The following MANBAL variants were observed in gnomAD, a reference collection of about 807,000 sequenced individuals.
MANBAL encodes protein MANBAL.
In MANBAL, 1 loss-of-function variant was observed where a neutral mutation model predicts 6.4. The ratio of observed to expected loss-of-function variants is 0.16; its 90% CI spans 0.06 to 0.74. The LOEUF is 0.74. Ranked by LOEUF, MANBAL falls within the 30% of genes least tolerant of loss-of-function variation. MANBAL has a pLI of 0.78. For missense variants in MANBAL, 100 were observed against 107.8 expected (o/e 0.93, Z 0.32); for synonymous variants, 47 against 45.8 (o/e 1.03, Z -0.10).
chr20:37,301,462 T>C (rs750580308), intron 2 of MANBAL, 49 bp downstream of exon 2: 17 of 1,599,660 alleles, frequency 1.1e-5, no homozygotes, highest in African/African-American at 4.0e-5. Flanking sequence ...CAGGCTGGGT[T>C]CTGAGTACTA....
At chr20:37,305,099 G>A (rs551288356) in intron 2 of MANBAL, among the ~76,000 whole-genome samples, 2 of 152,302 alleles carry the variant, frequency 1.3e-5, no homozygotes, top group South Asian at 2.1e-4. Flanking sequence ...TCTTATTCTG[G>A]TATCTTGAGA....
chr20:37,313,496 G>A (rs2069437059), intron 2 of MANBAL, among the ~76,000 whole-genome samples: 1 of 152,224 alleles, frequency 6.6e-6, no homozygotes, highest in Admixed American at 6.5e-5. Context: ...CTGGAGGTTA[G>A]GAGTTTGAGA....
chr20:37,307,735 C>T (rs1284487970), intron 2 of MANBAL, among the ~76,000 whole-genome samples: 2 of 149,426 alleles, frequency 1.3e-5, no homozygotes, highest in South Asian at 2.1e-4. Flanking sequence ...CCAGCCTGGG[C>T]GACAGAGCGA....
chr20:37,297,230 A>G (rs867319447), intron 1 of MANBAL: 1 of 152,166 alleles, frequency 6.6e-6, no homozygotes. Flanking sequence ...AGCCACCCCA[A>G]GTAATCTGCT....
chr20:37,304,285 AT>A (rs1416156804), intron 2 of MANBAL, among the ~76,000 whole-genome samples: 1 of 152,184 alleles, frequency 6.6e-6, no homozygotes, highest in East Asian at 1.9e-4. Flanking sequence ...GATTTTTAAA[AT>A]TTTGATTTAA....
chr20:37,302,314 AG>A, intron 2 of MANBAL: 1 of 1,550,564 alleles, frequency 6.4e-7, no homozygotes. Context: ...CATTCCAGTC[AG>A]GTTATTGGGT....
At chr20:37,290,994 T>G (rs2068853332) in intron 1 of MANBAL, among the ~76,000 whole-genome samples, 1 of 152,208 alleles carries the variant, frequency 6.6e-6, no homozygotes, top group Non-Finnish European at 1.5e-5. Context: ...GTTACTTCAT[T>G]AGAAGCCAAG....
intron 2 of MANBAL, among the ~76,000 whole-genome samples, chr20:37,314,805 G>C (rs999233826): frequency 3.9e-5 from 6 of 152,192 alleles, no homozygotes; most frequent in Non-Finnish European, 2.9e-5. Context: ...GAGCTGACAG[G>C]CCTCTGGATC....
intron 1 of MANBAL, among the ~76,000 whole-genome samples, chr20:37,300,878 C>T (rs552803656): frequency 3.8e-4 from 58 of 152,212 alleles, no homozygotes; most frequent in African/African-American, 1.4e-3. Context: ...TGAGGTGGCT[C>T]ACACCTGCAA....
At chr20:37,298,800 A>T (rs997699757) in intron 1 of MANBAL, 1 of 151,132 alleles carries the variant, frequency 6.6e-6, no homozygotes, top group African/African-American at 2.4e-5. Context: ...CGCAATCACG[A>T]CTCATTGGCT....
chr20:37,301,068 A>G (rs975718539), intron 1 of MANBAL, 140 bp from the exon 2 acceptor site: 1 of 357,752 alleles, frequency 2.8e-6, no homozygotes. Context: ...ACTTGAACCC[A>G]GGAGGCCGAA....
chr20:37,305,345 A>C (rs906702893), intron 2 of MANBAL, among the ~76,000 whole-genome samples: 3 of 152,074 alleles, frequency 2.0e-5, no homozygotes, highest in Non-Finnish European at 4.4e-5. Context: ...GAGGCTGCTC[A>C]CCTCCTGTTG....
rs146007979 is a variant in MANBAL at position 37,293,309 on chromosome 20, G to A, written c.-57+3623G>A. 3.7e-3 allele frequency among the ~76,000 whole-genome samples: 566 copies of A among 152,310 alleles called. 15 individuals are homozygous for A. The South Asian group carries it at 0.049, about 13-fold the overall frequency. On this transcript the variant is annotated intron_variant, in intron 1 of 2. Coordinates refer to ENST00000373606, the MANE Select transcript of MANBAL (RefSeq NM_001003897.2). ...TGTTTTCCTACAACTAGACAGTCCC[G>A]TCTGGGGGTGATGGGAGACAGTGAC...
At chr20:37,291,825 A>G (rs1385082508) in intron 1 of MANBAL, among the ~76,000 whole-genome samples, 1 of 152,216 alleles carries the variant, frequency 6.6e-6, no homozygotes, top group African/African-American at 2.4e-5. Context: ...CACATAAGAC[A>G]TGCCCTTGCC....
In MANBAL at chr20:37,301,191, C is replaced by T. The variant is rs971911664; in HGVS notation, c.-56-17C>T. On this transcript the variant is annotated splice_polypyrimidine_tract_variant and intron_variant, in intron 1 of 2. Coordinates refer to ENST00000373606, the MANE Select transcript of MANBAL (RefSeq NM_001003897.2). ...GTCAGTTACAGAAATATGACACTGA[C>T]CCTTTGCATTTACAAGTTGGTTCTA... 1 of 1,338,068 alleles carries T rather than the reference C, an allele frequency of 7.5e-7. No individual in the cohort carries two copies. The highest frequency in any genetic ancestry group is 9.9e-7 in the Non-Finnish European group (1 of 1,009,258). The allele number at this position is 1,338,068 out of a possible 1,614,324, so 82.9% of individuals were successfully genotyped here. A position where few individuals can be genotyped will look rare whatever the true frequency, so the allele number is the denominator to read the frequency against.
intron 2 of MANBAL, among the ~76,000 whole-genome samples, chr20:37,306,694 G>A (rs2069266105): frequency 6.6e-6 from 1 of 152,206 alleles, no homozygotes; most frequent in African/African-American, 2.4e-5. Context: ...TAGCTGGTAA[G>A]TTTCATCTCT....
intron 1 of MANBAL, among the ~76,000 whole-genome samples, chr20:37,297,796 C>A (rs979252722): frequency 2.0e-5 from 3 of 152,102 alleles, no homozygotes; most frequent in East Asian, 1.9e-4. Context: ...GCACCTGCCA[C>A]CATGTCCGGC....
chr20:37,314,425 C>T (rs181072766), intron 2 of MANBAL, among the ~76,000 whole-genome samples: 65 of 152,210 alleles, frequency 4.3e-4, no homozygotes, highest in East Asian at 5.8e-4. Context: ...GGCACTGGGG[C>T]GGCAACTGGG....
chr20:37,316,204 C>G, intron 2 of MANBAL, 104 bp from the exon 3 acceptor site: 1 of 1,054,682 alleles, frequency 9.5e-7, no homozygotes, highest in Non-Finnish European at 1.4e-6. Context: ...GTTTCCATCT[C>G]TTGTGTTTCT....
Sources: gnomAD v4.1 joint callset for allele counts (sites outside exome capture counted in the v4.1 genomes callset) on GRCh38, gnomAD v4.1.1 for gene constraint, MANE v1.5 for transcripts, NCBI Gene and HGNC (gene_info 2026-07-23, HGNC 2026-07-21) for gene names.